Variants in PROSER1 observed in about 807,000 individuals in gnomAD.
PROSER1 encodes proline and serine-rich protein 1.
PROSER1 carries 36 observed loss-of-function variants against 71.8 expected under a neutral mutation model. The ratio of observed to expected loss-of-function variants is 0.50; its 90% CI spans 0.38 to 0.66. The LOEUF is 0.66. Among genes scored for constraint, PROSER1 ranks in the 30% least tolerant of loss-of-function variants. The probability of loss-of-function intolerance (pLI) is 0.00; values close to 1 mark genes in which losing one functional copy is unlikely to be tolerated. For synonymous variants in PROSER1, 490 were observed against 452.4 expected (o/e 1.08, Z -1.06); for missense variants, 1,107 against 1,135.0 (o/e 0.98, Z 0.35).
In PROSER1 at chr13:39,031,645, A is replaced by C. The variant is rs758593403; in HGVS notation, c.112-14T>G. ...CAAATCAACCACCTGAAAACAAAGA[A>C]CTAACAGCTCTAATGACAGCATGTT... is the stretch of plus-strand genomic sequence containing the variant. On this transcript the variant is annotated splice_polypyrimidine_tract_variant and intron_variant, in intron 2 of 12. Transcript: ENST00000352251. 6.8e-6 allele frequency: 11 copies of C among 1,608,156 alleles called. No homozygotes were observed. In the Admixed American group the frequency reaches 1.9e-4, roughly 27 times the overall value.
intron 5 of PROSER1, 45 bp downstream of exon 5, chr13:39,028,182 G>A (rs1000290460): frequency 2.8e-6 from 3 of 1,066,670 alleles, no homozygotes; most frequent in East Asian, 4.8e-5. Context: ...TTCAATATTC[G>A]GAAAAACCAG....
In PROSER1 at chr13:39,013,022, T is replaced by C. The variant is rs746996100; in HGVS notation, c.2230A>G (p.Thr744Ala). ...TSTSLPHPSSTAAVLSGLSAS... is the reference protein window; with the variant it reads ...TSTSLPHPSSAAAVLSGLSAS... ...GAAAGCCCTGAGAGAACAGCTGCCG[T>C]TGAGCTAGGATGAGGGAGAGATGTG... The change falls in exon 11 of 13, where the codon ACG becomes GCG. Residue 744 changes from threonine (T) to alanine (A), a missense_variant. Thr to Ala is a moderately conservative substitution (Grantham distance 58, BLOSUM62 0). Transcript: ENST00000352251. 2.4e-5 allele frequency: 38 copies of C among 1,613,838 alleles called. No homozygotes were observed. The highest frequency in any genetic ancestry group is 9.9e-5 in the South Asian group (9 of 91,078).
chr13:39,025,200 T>G (rs1452381775), intron 6 of PROSER1, among the ~76,000 whole-genome samples: 1 of 152,136 alleles, frequency 6.6e-6, no homozygotes, highest in African/African-American at 2.4e-5. Context: ...AGATTAAGTG[T>G]GATTATTTAT....
chr13:39,022,889 T>C, intron 8 of PROSER1, 163 bp downstream of exon 8: 1 of 558,628 alleles, frequency 1.8e-6, no homozygotes, highest in Non-Finnish European at 3.2e-6. Context: ...TGCTGCAGTG[T>C]TGTAGGCCAG....
chr13:39,022,461 G>T, intron 8 of PROSER1, 49 bp from the exon 9 acceptor site: 1 of 1,245,470 alleles, frequency 8.0e-7, no homozygotes, highest in Non-Finnish European at 1.2e-6. Flanking sequence ...ACTGTTCTGT[G>T]ACTGGTATTG....
intron 6 of PROSER1, among the ~76,000 whole-genome samples, chr13:39,025,610 C>T (rs1440256857): frequency 2.0e-5 from 3 of 152,200 alleles, no homozygotes; most frequent in South Asian, 4.1e-4. Flanking sequence ...CCAACACTAC[C>T]TTGCCAAGCA....
Position 39,029,332 on chromosome 13 carries a change from T to G in PROSER1, c.224A>C (p.Asn75Thr). Residue 75 changes from asparagine (N) to threonine (T), a missense_variant, in exon 4 of 13, where the codon AAC (asparagine) becomes ACC (threonine). Asn to Thr is a moderately conservative substitution (Grantham distance 65, BLOSUM62 0). Transcript: ENST00000352251. ...TTTGTCTTTACTGAAAGTGAAACAG[T>G]TGAGTATATTGACCACTTCTGTTGG... ...VQPTEVVNILNCFTFSKDKLV... is the reference protein window; with the variant it reads ...VQPTEVVNILTCFTFSKDKLV... 1 of 1,548,564 alleles carries G rather than the reference T, an allele frequency of 6.5e-7. No individual in the cohort carries two copies. The highest frequency in any genetic ancestry group is 8.7e-7 in the Non-Finnish European group (1 of 1,155,080).
chr13:39,034,270 A>C (rs928306946), intron 1 of PROSER1, 74 bp from the exon 2 acceptor site: 2 of 1,245,002 alleles, frequency 1.6e-6, no homozygotes, highest in Non-Finnish European at 2.2e-6. Flanking sequence ...ATATACATCT[A>C]TCAAAACTGC....
chr13:39,022,820 G>C, intron 8 of PROSER1: 1 of 433,574 alleles, frequency 2.3e-6, no homozygotes. Flanking sequence ...CATAAATAAT[G>C]AATGACTAAA....
At chr13:39,028,415 G>T in intron 4 of PROSER1, 95 bp from the exon 5 acceptor site, 1 of 632,818 alleles carries the variant, frequency 1.6e-6, no homozygotes, top group Admixed American at 2.4e-5. Flanking sequence ...CTGAGTAAGC[G>T]TTCTCCATGA....
rs79004953 is a variant in PROSER1 at position 39,012,986 on chromosome 13, G to A, written c.2266C>T (p.Pro756Ser). 209 of 1,614,214 alleles carry A rather than the reference G, an allele frequency of 1.3e-4. 2 individuals carry two copies. The South Asian group carries it at 2.1e-3, about 17-fold the overall frequency. The stretch of plus-strand genomic sequence containing the variant: ...AGGGGGAAAGGTGCTGCTGAGACTG[G>A]TGCTGAAGCAGAAAGCCCTGAGAGA... ...AVLSGLSASAPVSAAPFPLNL... is the reference protein window; with the variant it reads ...AVLSGLSASASVSAAPFPLNL... The change falls in exon 11 of 13, where the codon CCA (proline) becomes TCA (serine). Residue 756 changes from proline to serine, a missense_variant. By Grantham distance (74) the Pro-to-Ser change is moderately conservative. Coordinates refer to ENST00000352251, the MANE Select transcript of PROSER1 (RefSeq NM_025138.5).
chr13:39,028,198 C>A, intron 5 of PROSER1, 29 bp downstream of exon 5: 1 of 1,234,744 alleles, frequency 8.1e-7, no homozygotes, highest in Non-Finnish European at 1.2e-6. Flanking sequence ...ACCAGCGTAC[C>A]AAGTACATGA....
chr13:39,022,998 TA>T, intron 8 of PROSER1, 53 bp downstream of exon 8: 1 of 1,459,528 alleles, frequency 6.9e-7, no homozygotes, highest in Non-Finnish European at 9.6e-7. Context: ...ACTTTCAATT[TA>T]ATAAATAAAC....
chr13:39,029,675 CAG>C (rs1870739833), intron 3 of PROSER1, among the ~76,000 whole-genome samples: 3 of 152,010 alleles, frequency 2.0e-5, no homozygotes, highest in Admixed American at 6.6e-5. Flanking sequence ...TTACTTTCCT[CAG>C]AAAGGTTATA....
rs180850343 is a variant in PROSER1, at chr13:39,029,832, G to A, written c.181-457C>T. Among the ~76,000 whole-genome samples, 6 of 152,240 alleles carry A rather than the reference G, an allele frequency of 3.9e-5. No individual in the cohort carries two copies. The East Asian group carries it at 1.2e-3, about 29-fold the overall frequency. ...CATATTACAAAAAAAGGTTACACTA[G>A]CCATATAAGGTAGGGAAAAGCTGGG... On this transcript the variant is annotated intron_variant, in intron 3 of 12. Coordinates refer to ENST00000352251, the MANE Select transcript of PROSER1 (RefSeq NM_025138.5).
At chr13:39,022,883 G>T (rs910463221) in intron 8 of PROSER1, 169 bp downstream of exon 8, 3 of 522,428 alleles carry the variant, frequency 5.7e-6, no homozygotes, top group African/African-American at 5.7e-5. Flanking sequence ...ACTATCTGCT[G>T]CAGTGTTGTA....
Position 39,037,768 on chromosome 13 carries a change from G to A in PROSER1, c.-526C>T, listed in dbSNP as rs1176417958. ...GACCCTCACCGCCGCGAACCCGGAC[G>A]CATGGTCCGGCTCGCGCTCATCCCC... On this transcript the variant is annotated 5_prime_UTR_variant, in exon 1 of 13. Coordinates refer to ENST00000352251, the MANE Select transcript of PROSER1 (RefSeq NM_025138.5). 1 of 152,560 alleles carries A rather than the reference G, an allele frequency of 6.6e-6. No individual in the cohort carries two copies. The highest frequency in any genetic ancestry group is 2.1e-4 in the South Asian group (1 of 4,840). 9.5% of individuals were successfully genotyped at this position (152,560 alleles called of 1,614,324 possible). A position where few individuals can be genotyped will look rare whatever the true frequency, so the allele number is the denominator to read the frequency against.
chr13:39,032,303 T>G lies in PROSER1; in HGVS notation c.112-672A>C, dbSNP rs571887298. ...ATACATCATTTGAGAGCTCAGAGTGTGCAGCTCAGATTAGCTCCCACCACC... is the reference window on the plus strand; with the variant it reads ...ATACATCATTTGAGAGCTCAGAGTGGGCAGCTCAGATTAGCTCCCACCACC... On this transcript the variant is annotated intron_variant, in intron 2 of 12. Coordinates refer to ENST00000352251, the MANE Select transcript of PROSER1 (RefSeq NM_025138.5). Among the ~76,000 whole-genome samples the G allele has an allele frequency of 4.6e-5, 7 of 152,256 alleles. No homozygotes were observed. In the South Asian group the frequency reaches 1.5e-3, roughly 32 times the overall value.
intron 12 of PROSER1, 90 bp from the exon 13 acceptor site, chr13:39,011,577 G>A: frequency 7.7e-7 from 1 of 1,293,734 alleles, no homozygotes; most frequent in Non-Finnish European, 1.1e-6. Context: ...GAGATATTCA[G>A]AATAGGAAAG....
Sources: allele counts gnomAD v4.1 joint callset (sites outside exome capture counted in the v4.1 genomes callset), GRCh38; gene constraint gnomAD v4.1.1; transcripts MANE v1.5; gene names NCBI Gene and HGNC (gene_info 2026-07-23, HGNC 2026-07-21).